Variants in INTS10 observed in about 807,000 individuals in gnomAD.
The protein encoded by INTS10 is integrator complex subunit 10, also known as chromosome 8 open reading frame 35.
Under a neutral mutation model 94.4 loss-of-function variants are expected in INTS10, and 44 were observed. That is an observed-to-expected ratio of 0.47 (90% confidence interval 0.37 to 0.60). INTS10 has a LOEUF of 0.60. Among genes scored for constraint, INTS10 ranks in the 20% least tolerant of loss-of-function variants. INTS10 has a pLI of 0.00. For synonymous variants in INTS10, 341 were observed against 320.7 expected, an observed-to-expected ratio of 1.06 and a Z score of -0.68; for missense variants, 797 against 868.7, an observed-to-expected ratio of 0.92 and a Z score of 1.04.
chr8:19,841,780 G>A (rs1319393397), intron 13 of INTS10: 2 of 454,462 alleles, frequency 4.4e-6, no homozygotes, highest in African/African-American at 4.0e-5. Context: ...CGTCCTAGTT[G>A]TATACCTTAG....
intron 5 of INTS10, 56 bp from the exon 6 acceptor site, chr8:19,823,245 G>A (rs1589931489): frequency 2.2e-6 from 3 of 1,377,416 alleles, no homozygotes; most frequent in South Asian, 2.5e-5. Context: ...TGTATTTATC[G>A]GAACTCTAGG....
chr8:19,844,087 C>T lies in INTS10; in HGVS notation c.1731C>T (p.Phe577=), dbSNP rs1354263608. 3.1e-6 allele frequency: 5 copies of T among 1,599,072 alleles called. No homozygotes were observed. The African/African-American group carries it at 6.7e-5, about 22-fold the overall frequency. Residue 577 remains phenylalanine, a synonymous_variant, in exon 15 of 17, where the codon TTC becomes TTT. Transcript: ENST00000397977. The stretch of plus-strand genomic sequence containing the variant: ...TCTTTGTCTTGCAGCTTAGAGCTTT[C>T]ACAGACAACAGAGACGACATGGCAT... The part of the protein sequence containing the change: ...LMLACFKLRA[F]TDNRDDMALG...
At chr8:19,826,703 G>GAGAACCACTGAC in intron 9 of INTS10, 144 bp downstream of exon 9, 3 of 772,784 alleles carry the variant, frequency 3.9e-6, no homozygotes, top group Non-Finnish European at 6.0e-6. Context: ...TAAGTCAGTG[G>GAGAACCACTGAC]TTCTCCACTG....
chr8:19,818,703 T>G (rs1244802729), intron 2 of INTS10: 1 of 222,238 alleles, frequency 4.5e-6, no homozygotes, highest in African/African-American at 2.3e-5. Flanking sequence ...TATACATGTA[T>G]GCATAATACA....
At chr8:19,820,763 C>T (rs1388416989) in intron 4 of INTS10, among the ~76,000 whole-genome samples, 4 of 152,162 alleles carry the variant, frequency 2.6e-5, no homozygotes, top group African/African-American at 4.8e-5. Context: ...TTATTGCAAT[C>T]CATATGGTAA....
intron 12 of INTS10, among the ~76,000 whole-genome samples, chr8:19,834,507 A>G (rs2067496222): frequency 6.6e-6 from 1 of 152,214 alleles, no homozygotes; most frequent in Admixed American, 6.5e-5. Context: ...ACCGACATAC[A>G]TATCTCAAGT....
intron 16 of INTS10, among the ~76,000 whole-genome samples, chr8:19,848,070 T>C (rs1354214681): frequency 2.0e-5 from 3 of 152,358 alleles, no homozygotes; most frequent in South Asian, 4.1e-4. Context: ...TAATTACTTA[T>C]GCCTAAATTA....
chr8:19,822,707 T>C (rs2066476362), intron 5 of INTS10, among the ~76,000 whole-genome samples, 187 bp downstream of exon 5: 1 of 152,080 alleles, frequency 6.6e-6, no homozygotes, highest in Admixed American at 6.6e-5. Context: ...ATCCTAGCAC[T>C]TAAGGAGGCC....
chr8:19,819,534 C>T (rs1563323706), intron 2 of INTS10, 39 bp from the exon 3 acceptor site: 2 of 1,499,156 alleles, frequency 1.3e-6, no homozygotes, highest in Non-Finnish European at 9.1e-7. Flanking sequence ...ACTGTATAGA[C>T]TTTGACATTT....
At chr8:19,840,264 T>C (rs763372407) in intron 13 of INTS10, among the ~76,000 whole-genome samples, 10 of 152,232 alleles carry the variant, frequency 6.6e-5, no homozygotes, top group Middle Eastern at 3.4e-3. Context: ...TCAGAAAACA[T>C]TTCTGAGAAA....
chr8:19,821,876 A>G (rs1563336018), intron 4 of INTS10: 1 of 152,196 alleles, frequency 6.6e-6, no homozygotes, highest in Non-Finnish European at 1.5e-5. Context: ...TGTGGTCACA[A>G]GGAAGTTGAT....
At chr8:19,829,708 G>A (rs1183287192) in intron 9 of INTS10, among the ~76,000 whole-genome samples, 4 of 152,164 alleles carry the variant, frequency 2.6e-5, no homozygotes, top group South Asian at 2.1e-4. Context: ...TTGCTCTGTC[G>A]CCCAGGCTGG....
intron 12 of INTS10, among the ~76,000 whole-genome samples, chr8:19,835,536 T>C (rs2067585073): frequency 6.6e-6 from 1 of 152,190 alleles, no homozygotes; most frequent in South Asian, 2.1e-4. Context: ...CTTTGTTGGG[T>C]CCAAAGACGA....
intron 12 of INTS10, among the ~76,000 whole-genome samples, chr8:19,835,107 C>T (rs138481182): frequency 1.3e-5 from 2 of 152,214 alleles, no homozygotes; most frequent in East Asian, 3.9e-4. Context: ...ACAAAACTTT[C>T]AAGTCTTGGT....
intron 9 of INTS10, among the ~76,000 whole-genome samples, chr8:19,829,362 T>C (rs568104959): frequency 1.3e-5 from 1 of 79,918 alleles, no homozygotes; most frequent in East Asian, 3.1e-4. Context: ...CTTTTACCTT[T>C]ACATTTTTTT....
chr8:19,837,206 A>G (rs750083093), intron 13 of INTS10, 46 bp downstream of exon 13: 11 of 1,260,296 alleles, frequency 8.7e-6, no homozygotes, highest in Non-Finnish European at 4.6e-6. Context: ...TAGCTTTAGA[A>G]AGCCAGGCAC....
Position 19,844,244 on chromosome 8 carries a change from C to CT in INTS10, c.1882+12dup. ...TTTTTTCAATTACGTTACAAGTATC[C>CT]TTTTTTCTTGTTTAAGCATAACACA... On this transcript the variant is annotated splice_region_variant and intron_variant, in intron 15 of 16. Coordinates refer to ENST00000397977, the MANE Select transcript of INTS10 (RefSeq NM_018142.4). The CT allele has an allele frequency of 1.3e-6, 2 of 1,589,922 alleles. No homozygotes were observed. Among genetic ancestry groups the CT allele is most frequent in the Non-Finnish European group, 8.6e-7 (1 of 1,159,806 alleles).
chr8:19,825,326 G>T (rs1314357596), intron 8 of INTS10, among the ~76,000 whole-genome samples: 1 of 152,118 alleles, frequency 6.6e-6, no homozygotes, highest in Admixed American at 6.5e-5. Flanking sequence ...AGGAGTTTGA[G>T]ACCAGCCTGG....
chr8:19,851,196 A>G lies in INTS10; in HGVS notation c.1977-453A>G, dbSNP rs1380308578. Among the ~76,000 whole-genome samples, 1 of 152,096 alleles carries G rather than the reference A, an allele frequency of 6.6e-6. No individual in the cohort carries two copies. ...CACCAGCTGCGGGGGCCATGGTGGG[A>G]GCTCACTTGGGTGATTGGCTCATTC... On this transcript the variant is annotated intron_variant, in intron 16 of 16. Coordinates refer to ENST00000397977, the MANE Select transcript of INTS10 (RefSeq NM_018142.4). The surrounding 1 kb of genome is among the most constrained non-coding windows in gnomAD (Gnocchi z 5.0).
Sources: allele counts gnomAD v4.1 joint callset (sites outside exome capture counted in the v4.1 genomes callset), GRCh38; gene constraint gnomAD v4.1.1; non-coding constraint Gnocchi (gnomAD v3.1); transcripts MANE v1.5; gene names NCBI Gene and HGNC (gene_info 2026-07-23, HGNC 2026-07-21).